PTPN2: variants seen among roughly 807,000 people sequenced by gnomAD.
The protein encoded by PTPN2 is protein tyrosine phosphatase non-receptor type 2.
In PTPN2, 19 loss-of-function variants were observed where a neutral mutation model predicts 57.3. The observed-to-expected ratio is 0.33, with a 90% CI of 0.23 to 0.49. The LOEUF is 0.49. Among genes scored for constraint, PTPN2 ranks in the 20% least tolerant of loss-of-function variants. The pLI is 0.99. For synonymous variants in PTPN2, 153 were observed against 164.9 expected (o/e 0.93, Z 0.55); for missense variants, 358 against 501.1 (o/e 0.71, Z 2.73).
chr18:12,824,091 C>G, intron 5 of PTPN2, among the ~76,000 whole-genome samples: 1 of 152,126 alleles, frequency 6.6e-6, no homozygotes. Flanking sequence ...AGTTCTGTTT[C>G]TGGGAATGAA....
In PTPN2 at chr18:12,792,596, G is replaced by A. The variant is rs958660048; in HGVS notation, c.*1682C>T. 4.0e-5 allele frequency: 6 copies of A among 150,180 alleles called. No homozygotes were observed. The highest frequency in any genetic ancestry group is 1.5e-4 in the African/African-American group (6 of 40,552). The allele number at this position is 150,180 out of a possible 1,614,324, so 9.3% of individuals were successfully genotyped here. A position where few individuals can be genotyped will look rare whatever the true frequency, so the allele number is the denominator to read the frequency against. On this transcript the variant is annotated 3_prime_UTR_variant, in exon 9 of 9. Transcript: ENST00000309660. ...ACACCCGGCCCAAACTGTTTTTTTT[G>A]TTTGTTTCTTTTGAGATGGAGTCTC...
intron 5 of PTPN2, among the ~76,000 whole-genome samples, chr18:12,825,268 C>CT (rs2042409604): frequency 1.3e-5 from 2 of 152,134 alleles, no homozygotes; most frequent in African/African-American, 4.8e-5. Context: ...TTGTGAATCA[C>CT]TTAACAATAG....
intron 8 of PTPN2, among the ~76,000 whole-genome samples, chr18:12,799,315 G>A (rs900199779): frequency 3.3e-5 from 5 of 151,978 alleles, no homozygotes; most frequent in Admixed American, 6.5e-5. Flanking sequence ...TACTTGGGAG[G>A]CTAAGGCAGG....
At chr18:12,798,322 C>A (rs373582086) in intron 8 of PTPN2, among the ~76,000 whole-genome samples, 1 of 152,254 alleles carries the variant, frequency 6.6e-6, no homozygotes, top group African/African-American at 2.4e-5. Context: ...GTGACATGTA[C>A]AACAAGTTTT....
At chr18:12,842,434 G>A (rs999541025) in intron 2 of PTPN2, among the ~76,000 whole-genome samples, 24 of 152,106 alleles carry the variant, frequency 1.6e-4, no homozygotes, top group Non-Finnish European at 2.9e-4. Context: ...AAAGAGTAAC[G>A]GGACTCACAG....
chr18:12,791,032 C>T (rs929816196), downstream of PTPN2, among the ~76,000 whole-genome samples: 4 of 152,108 alleles, frequency 2.6e-5, no homozygotes. Context: ...CTTTTCTTAA[C>T]CCTTTAAGAA....
chr18:12,866,379 A>G (rs1399750920), intron 1 of PTPN2, among the ~76,000 whole-genome samples: 2 of 152,058 alleles, frequency 1.3e-5, no homozygotes, highest in African/African-American at 4.8e-5. Flanking sequence ...CGGGGCTTGC[A>G]GTGAGCCAAG....
chr18:12,880,072 G>A (rs111398077), intron 1 of PTPN2, among the ~76,000 whole-genome samples: 4 of 152,156 alleles, frequency 2.6e-5, no homozygotes, highest in African/African-American at 7.2e-5. Context: ...AAAGAAGTAC[G>A]CAACAGGGGC....
chr18:12,862,467 C>CTT (rs1568159920), intron 1 of PTPN2: 1 of 152,274 alleles, frequency 6.6e-6, no homozygotes, highest in African/African-American at 2.4e-5. Context: ...CCCCAATATC[C>CTT]TTTCTTTCTT....
chr18:12,797,616 G>GACT (rs2041242572), intron 8 of PTPN2, among the ~76,000 whole-genome samples: 1 of 152,162 alleles, frequency 6.6e-6, no homozygotes, highest in African/African-American at 2.4e-5. Flanking sequence ...AGAATGACAA[G>GACT]ACTACTCTCG....
rs112455726 is a variant in PTPN2 at position 12,878,924 on chromosome 18, C to T, written c.69+5149G>A. 4.2e-3 allele frequency among the ~76,000 whole-genome samples: 642 copies of T among 152,274 alleles called. 9 individuals carry two copies. The highest frequency in any genetic ancestry group is 0.015 in the African/African-American group (612 of 41,554). Reference sequence around the variant, plus strand: ...ATCACTTCTTAGAAACAACCCATAACATAGCTTTTGCGATTCCCCAGTTTT... The same window carrying T: ...ATCACTTCTTAGAAACAACCCATAATATAGCTTTTGCGATTCCCCAGTTTT... On this transcript the variant is annotated intron_variant, in intron 1 of 8. Coordinates refer to ENST00000309660, the MANE Select transcript of PTPN2 (RefSeq NM_002828.4).
chr18:12,841,999 T>C (rs995166144), intron 2 of PTPN2, among the ~76,000 whole-genome samples: 3 of 151,886 alleles, frequency 2.0e-5, no homozygotes, highest in African/African-American at 7.3e-5. Flanking sequence ...CTCCACCTCC[T>C]GGGTTCAAGC....
At chr18:12,847,909 AT>A (rs778003045) in intron 2 of PTPN2, among the ~76,000 whole-genome samples, 3 of 143,410 alleles carry the variant, frequency 2.1e-5, no homozygotes, top group African/African-American at 8.2e-5. Flanking sequence ...AAAACTGAAT[AT>A]TTAAAAAAAA....
At chr18:12,872,409 A>G (rs528774915) in intron 1 of PTPN2, 1 of 152,382 alleles carries the variant, frequency 6.6e-6, no homozygotes, top group East Asian at 1.9e-4. Flanking sequence ...CAGTGACACG[A>G]ACCAAATGAA....
rs2042435956 is a variant in PTPN2, at chr18:12,825,914, C to T, written c.391G>A (p.Asp131Asn). The change falls in exon 5 of 9, where the codon GAC becomes AAC. Residue 131 changes from aspartate (D) to asparagine (N), a missense_variant. Asp to Asn is a conservative substitution (Grantham distance 23). Coordinates refer to ENST00000309660, the MANE Select transcript of PTPN2 (RefSeq NM_002828.4). The part of the protein sequence containing the change: ...VKCAQYWPTD[D>N]QEMLFKETGF... ...GTTTCTTTAAACAGCATCTCTTGGT[C>T]ATCTGTTGGCCAGTACTGTGCACAT... 1 of 1,611,146 alleles carries T rather than the reference C, an allele frequency of 6.2e-7. No individual in the cohort carries two copies. The highest frequency in any genetic ancestry group is 8.5e-7 in the Non-Finnish European group (1 of 1,177,724).
chr18:12,820,000 G>A (rs537995932), intron 5 of PTPN2, among the ~76,000 whole-genome samples: 6 of 152,278 alleles, frequency 3.9e-5, no homozygotes, highest in East Asian at 1.9e-4. Flanking sequence ...TGTGGGCTAC[G>A]GCCCAGTACC....
Position 12,876,130 on chromosome 18 carries a change from G to C in PTPN2, c.69+7943C>G, listed in dbSNP as rs376064086. ...TCACTGCACTCCAGTCTGGGTGACA[G>C]AGTGAGACCCTGTCTCAAAAAACAA... On this transcript the variant is annotated intron_variant, in intron 1 of 8. Transcript: ENST00000309660. Among the ~76,000 whole-genome samples the C allele has an allele frequency of 6.6e-5, 10 of 152,214 alleles. No homozygotes were observed. In the East Asian group the frequency reaches 1.5e-3, roughly 24 times the overall value.
chr18:12,797,497 A>G (rs2041237123), intron 8 of PTPN2, among the ~76,000 whole-genome samples: 1 of 152,180 alleles, frequency 6.6e-6, no homozygotes, highest in Non-Finnish European at 1.5e-5. Context: ...CTCATTTAAA[A>G]GAATGGAACA....
At chr18:12,860,324 C>T (rs1279774814) in intron 1 of PTPN2, among the ~76,000 whole-genome samples, 7 of 150,572 alleles carry the variant, frequency 4.6e-5, no homozygotes, top group African/African-American at 9.8e-5. Context: ...TTAGGCTGTG[C>T]GCGGTGGCTC....
Sources: allele counts gnomAD v4.1 joint callset (sites outside exome capture counted in the v4.1 genomes callset), GRCh38; gene constraint gnomAD v4.1.1; transcripts MANE v1.5; gene names NCBI Gene and HGNC (gene_info 2026-07-23, HGNC 2026-07-21).